MSI2: variants seen among roughly 807,000 people sequenced by gnomAD.
MSI2 encodes the protein RNA-binding protein Musashi homolog 2.
In MSI2, 17 loss-of-function variants were observed where a neutral mutation model predicts 45.6. The observed-to-expected ratio is 0.37, with a 90% CI of 0.26 to 0.56. The LOEUF (loss-of-function observed/expected upper bound fraction) is 0.56. MSI2 is among the 20% of genes least tolerant of loss of function. The pLI is 0.77. For synonymous variants in MSI2, 156 were observed against 158.2 expected, an observed-to-expected ratio of 0.99 and a Z score of 0.11; for missense variants, 293 against 444.2, an observed-to-expected ratio of 0.66 and a Z score of 3.06.
chr17:57,590,096 T>G (rs1239203072), intron 7 of MSI2, among the ~76,000 whole-genome samples: 1 of 152,242 alleles, frequency 6.6e-6, no homozygotes, highest in Non-Finnish European at 1.5e-5. Context: ...TCTCATGGGA[T>G]ACCCAGAATA....
intron 7 of MSI2, among the ~76,000 whole-genome samples, chr17:57,573,564 G>A (rs1005951175): frequency 1.3e-5 from 2 of 152,356 alleles, no homozygotes; most frequent in African/African-American, 4.8e-5. Flanking sequence ...CCCATAGAGT[G>A]AGGCTGGGGA....
intron 7 of MSI2, among the ~76,000 whole-genome samples, chr17:57,572,737 A>G (rs984671581): frequency 1.3e-5 from 2 of 152,216 alleles, no homozygotes; most frequent in African/African-American, 4.8e-5. Context: ...CCACCAGCTC[A>G]GGGCAGAGAG....
intron 5 of MSI2, among the ~76,000 whole-genome samples, chr17:57,342,696 A>G (rs1567768864): frequency 6.6e-6 from 1 of 152,182 alleles, no homozygotes; most frequent in Non-Finnish European, 1.5e-5. Context: ...AATTAAGTGA[A>G]TTTTTGAAGA....
intron 6 of MSI2, among the ~76,000 whole-genome samples, chr17:57,414,231 TGGGGCTG>T (rs1480028147): frequency 2.0e-5 from 3 of 152,110 alleles, no homozygotes; most frequent in Non-Finnish European, 4.4e-5. Flanking sequence ...TTCCACCAAG[TGGGGCTG>T]GGTCTGTTTA....
intron 7 of MSI2, among the ~76,000 whole-genome samples, chr17:57,595,932 A>G (rs1905210359): frequency 6.6e-6 from 1 of 152,222 alleles, no homozygotes; most frequent in Admixed American, 6.5e-5. Context: ...GAGAAGTGGA[A>G]GCCAGGTCTC....
At chr17:57,256,894 C>A in intron 1 of MSI2, 90 bp downstream of exon 1, 1 of 904,406 alleles carries the variant, frequency 1.1e-6, no homozygotes. Context: ...GGGCATCTCC[C>A]GCGCCCCCCC....
intron 6 of MSI2, among the ~76,000 whole-genome samples, chr17:57,471,277 CTTTTTTTTTTT>C (rs529448901): frequency 0.71 from 58,414 of 82,502 alleles, 20,588 homozygotes; most frequent in East Asian, 0.87. Flanking sequence ...TTATGGAGCA[CTTTTTTTTTTT>C]TTTTTTTTTT....
chr17:57,502,636 T>TATATATATAGAGAGAGAG, intron 6 of MSI2, among the ~76,000 whole-genome samples: 2 of 96,904 alleles, frequency 2.1e-5, no homozygotes, highest in East Asian at 3.4e-4. Context: ...TATATATATA[T>TATATATATAGAGAGAGAG]AGTCATCATT....
chr17:57,414,359 A>G (rs1598238379), intron 6 of MSI2, among the ~76,000 whole-genome samples: 1 of 151,994 alleles, frequency 6.6e-6, no homozygotes, highest in South Asian at 2.1e-4. Flanking sequence ...AGTTCCAGTC[A>G]TTGGAGAAGG....
At chr17:57,499,666 G>A (rs1403875859) in intron 6 of MSI2, among the ~76,000 whole-genome samples, 8 of 152,174 alleles carry the variant, frequency 5.3e-5, no homozygotes, top group South Asian at 2.1e-4. Context: ...TCTGTGGAGC[G>A]GGAATTTGGG....
intron 6 of MSI2, among the ~76,000 whole-genome samples, chr17:57,417,148 T>C (rs2084310350): frequency 6.6e-6 from 1 of 152,216 alleles, no homozygotes; most frequent in African/African-American, 2.4e-5. Context: ...TGGTGGCCGC[T>C]GAAGGCAGAT....
intron 5 of MSI2, among the ~76,000 whole-genome samples, chr17:57,339,575 C>T (rs983028361): frequency 2.6e-5 from 4 of 152,178 alleles, no homozygotes; most frequent in African/African-American, 9.7e-5. Context: ...TCCCGTTTGC[C>T]ATGCTCCTGG....
intron 7 of MSI2, among the ~76,000 whole-genome samples, chr17:57,562,490 G>A (rs62058105): frequency 0.018 from 2,813 of 152,324 alleles, 52 homozygotes; most frequent in Middle Eastern, 0.044. Context: ...GCAGAGCTGC[G>A]TAACACAGCC....
At chr17:57,325,909 A>G (rs918868917) in intron 5 of MSI2, among the ~76,000 whole-genome samples, 2 of 152,114 alleles carry the variant, frequency 1.3e-5, no homozygotes, top group Non-Finnish European at 2.9e-5. Flanking sequence ...CACACATCTT[A>G]GACTGCGCTC....
intron 5 of MSI2, among the ~76,000 whole-genome samples, chr17:57,274,961 T>G (rs529290380): frequency 2.0e-5 from 3 of 152,372 alleles, no homozygotes; most frequent in Non-Finnish European, 4.4e-5. Flanking sequence ...TGATGAATAC[T>G]GAGAAAATGT....
At chr17:57,538,387 T>C (rs1162139538) in intron 7 of MSI2, among the ~76,000 whole-genome samples, 1 of 152,192 alleles carries the variant, frequency 6.6e-6, no homozygotes, top group African/African-American at 2.4e-5. Context: ...TCTGTATCTG[T>C]ATATCAGCAT....
intron 6 of MSI2, among the ~76,000 whole-genome samples, chr17:57,457,310 A>C (rs1429321838): frequency 6.6e-6 from 1 of 152,160 alleles, no homozygotes; most frequent in Non-Finnish European, 1.5e-5. Flanking sequence ...GTGTTTCCCC[A>C]GGGCATTGAG....
intron 7 of MSI2, among the ~76,000 whole-genome samples, chr17:57,577,866 T>C (rs867826148): frequency 6.6e-6 from 1 of 152,210 alleles, no homozygotes. Flanking sequence ...CGCCACTTGC[T>C]TTTGTTCACG....
chr17:57,497,302 T>C (rs8064845), intron 6 of MSI2, among the ~76,000 whole-genome samples: 139,151 of 152,296 alleles, frequency 0.91, 63,651 homozygotes, highest in African/African-American at 0.97. Context: ...AATGTGACTT[T>C]TTCTGCCAGA....
Sources: gnomAD v4.1 joint callset for allele counts (sites outside exome capture counted in the v4.1 genomes callset) on GRCh38, gnomAD v4.1.1 for gene constraint, MANE v1.5 for transcripts, NCBI Gene and HGNC (gene_info 2026-07-23, HGNC 2026-07-21) for gene names.